Variants in ARHGAP44 observed in about 807,000 individuals in gnomAD.
ARHGAP44 encodes the protein rho GTPase-activating protein 44.
ARHGAP44 carries 43 observed loss-of-function variants against 106.8 expected under a neutral mutation model. The observed-to-expected ratio is 0.40, with a 90% CI of 0.32 to 0.52. The LOEUF (loss-of-function observed/expected upper bound fraction) is 0.52, where lower values mean the gene tolerates loss of function less well. ARHGAP44 is among the 20% of genes least tolerant of loss of function. ARHGAP44 has a pLI of 0.48. For synonymous variants in ARHGAP44, 439 were observed against 410.3 expected, an observed-to-expected ratio of 1.07 and a Z score of -0.85; for missense variants, 866 against 1,050.5, an observed-to-expected ratio of 0.82 and a Z score of 2.43.
chr17:12,839,395 G>A (rs2035330613), intron 1 of ARHGAP44, among the ~76,000 whole-genome samples: 1 of 152,132 alleles, frequency 6.6e-6, no homozygotes, highest in Non-Finnish European at 1.5e-5. Flanking sequence ...TATCCTGTGA[G>A]CTTTATTAGT....
At chr17:12,922,517 C>T (rs1447518305) in intron 6 of ARHGAP44, among the ~76,000 whole-genome samples, 1 of 152,192 alleles carries the variant, frequency 6.6e-6, no homozygotes, top group Non-Finnish European at 1.5e-5. Context: ...GAGTGACATC[C>T]TTCTCTGAAA....
At chr17:12,856,616 A>G (rs1459145542) in intron 1 of ARHGAP44, among the ~76,000 whole-genome samples, 1 of 152,166 alleles carries the variant, frequency 6.6e-6, no homozygotes, top group Non-Finnish European at 1.5e-5. Flanking sequence ...AAAGGCTGTT[A>G]TAACATACGG....
chr17:12,910,446 C>CTTTTTT lies in ARHGAP44; in HGVS notation c.275+1488_275+1493dup, dbSNP rs3076662. ...AGGATAGAACATGGGCTTATGTAGC[C>CTTTTTT]TTTTTTTTTTTTTTTTTTTTGAGAT... On this transcript the variant is annotated intron_variant, in intron 4 of 20. Coordinates refer to ENST00000379672, the MANE Select transcript of ARHGAP44 (RefSeq NM_014859.6). Among the ~76,000 whole-genome samples the CTTTTTT allele has an allele frequency of 3.7e-4, 35 of 93,498 alleles. 1 individual carries two copies. Among genetic ancestry groups the CTTTTTT allele is most frequent in the South Asian group, 1.6e-3 (4 of 2,528 alleles). 61.3% of individuals were successfully genotyped at this position (93,498 alleles called of 152,430 possible).
chr17:12,911,586 G>C (rs1469941569), intron 4 of ARHGAP44, among the ~76,000 whole-genome samples: 1 of 152,150 alleles, frequency 6.6e-6, no homozygotes, highest in Non-Finnish European at 1.5e-5. Flanking sequence ...TTAAACTCAC[G>C]AATGTGGTTG....
At chr17:12,792,662 TC>T (rs1453892724) in intron 1 of ARHGAP44, among the ~76,000 whole-genome samples, 1 of 152,204 alleles carries the variant, frequency 6.6e-6, no homozygotes, top group African/African-American at 2.4e-5. Context: ...CTTATATTTT[TC>T]TAAAGTTTTC....
At chr17:12,881,447 A>G (rs994724633) in intron 1 of ARHGAP44, among the ~76,000 whole-genome samples, 1 of 151,976 alleles carries the variant, frequency 6.6e-6, no homozygotes, top group African/African-American at 2.4e-5. Context: ...CCTCTCCCCC[A>G]ATCTTAGATA....
rs1028440701 is a variant in ARHGAP44 at position 12,893,680 on chromosome 17, C to G, written c.54-1260C>G. Among the ~76,000 whole-genome samples the G allele has an allele frequency of 3.3e-5, 5 of 152,184 alleles. No homozygotes were observed. The East Asian group carries it at 9.6e-4, about 29-fold the overall frequency. ...GTCAGGGCTCCCTACTCAGCTTTTG[C>G]TGGCTTGGGTGGAGTAGGACACAGT... On this transcript the variant is annotated intron_variant, in intron 1 of 20. Coordinates refer to ENST00000379672, the MANE Select transcript of ARHGAP44 (RefSeq NM_014859.6).
intron 1 of ARHGAP44, among the ~76,000 whole-genome samples, chr17:12,892,795 T>A (rs1293195490): frequency 1.1e-5 from 1 of 87,126 alleles, no homozygotes; most frequent in East Asian, 2.5e-4. Context: ...TCAACTGAGT[T>A]TTTTTTTTTT....
intron 1 of ARHGAP44, among the ~76,000 whole-genome samples, chr17:12,890,721 G>A (rs1033153869): frequency 4.6e-5 from 7 of 152,142 alleles, no homozygotes; most frequent in African/African-American, 7.2e-5. Flanking sequence ...TGTGTTTTAC[G>A]TGGCCAGGCT....
At chr17:12,793,255 A>T (rs934210363) in intron 1 of ARHGAP44, among the ~76,000 whole-genome samples, 1 of 152,256 alleles carries the variant, frequency 6.6e-6, no homozygotes, top group Non-Finnish European at 1.5e-5. Context: ...TGCTTAATAA[A>T]TGGTAGCTAC....
intron 1 of ARHGAP44, among the ~76,000 whole-genome samples, chr17:12,801,686 C>A (rs1438370884): frequency 6.6e-6 from 1 of 151,974 alleles, no homozygotes; most frequent in Non-Finnish European, 1.5e-5. Context: ...TGATAGGGAA[C>A]AGGATATATG....
At chr17:12,917,433 A>G (rs971329330) in intron 5 of ARHGAP44, 5 of 152,566 alleles carry the variant, frequency 3.3e-5, no homozygotes, top group African/African-American at 4.8e-5. Context: ...TTAAATGTCA[A>G]AGAACCTGGA....
intron 6 of ARHGAP44, among the ~76,000 whole-genome samples, chr17:12,923,942 C>G (rs941113860): frequency 9.8e-5 from 15 of 152,324 alleles, no homozygotes; most frequent in Non-Finnish European, 1.6e-4. Context: ...AATGCTCCCC[C>G]CCTACCCCCT....
chr17:12,868,742 C>A (rs968732775), intron 1 of ARHGAP44, among the ~76,000 whole-genome samples: 1 of 150,710 alleles, frequency 6.6e-6, no homozygotes, highest in Non-Finnish European at 1.5e-5. Context: ...ACTGCAACCT[C>A]CACCTCCCGG....
intron 3 of ARHGAP44, among the ~76,000 whole-genome samples, chr17:12,900,940 TGAGA>T: frequency 8.0e-6 from 1 of 124,936 alleles, no homozygotes; most frequent in African/African-American, 3.3e-5. Context: ...TTTTTTTAAT[TGAGA>T]TGGAGTTTCG....
chr17:12,908,884 G>C lies in ARHGAP44; in HGVS notation c.199-13G>C, dbSNP rs769081672. On this transcript the variant is annotated splice_polypyrimidine_tract_variant and intron_variant, in intron 3 of 20. Coordinates refer to ENST00000379672, the MANE Select transcript of ARHGAP44 (RefSeq NM_014859.6). ...GAAAGTAGCTTTCATTACAGCATTTGCTTTCTTTTCAGAAAAAGTTGCCTT... is the reference window on the plus strand; with the variant it reads ...GAAAGTAGCTTTCATTACAGCATTTCCTTTCTTTTCAGAAAAAGTTGCCTT... 1.3e-6 allele frequency: 2 copies of C among 1,599,022 alleles called. No individual in the cohort carries two copies. Among genetic ancestry groups the C allele is most frequent in the Non-Finnish European group, 1.7e-6 (2 of 1,174,642 alleles).
intron 17 of ARHGAP44, chr17:12,973,829 G>T: frequency 1.8e-6 from 1 of 570,078 alleles, no homozygotes; most frequent in Admixed American, 3.3e-5. Context: ...GGCCGCCAGC[G>T]CTGCCGACTG....
chr17:12,965,458 C>G (rs1050453637), intron 16 of ARHGAP44, among the ~76,000 whole-genome samples: 1 of 152,162 alleles, frequency 6.6e-6, no homozygotes, highest in African/African-American at 2.4e-5. Flanking sequence ...CTTGTCCCAC[C>G]CCTGTGGACT....
In ARHGAP44 at chr17:12,973,308, G is replaced by C; in HGVS notation, c.1530G>C (p.Arg510Ser). The C allele has an allele frequency of 2.5e-6, 4 of 1,608,774 alleles. No homozygotes were observed. Among genetic ancestry groups the C allele is most frequent in the Non-Finnish European group, 3.4e-6 (4 of 1,177,448 alleles). ...MLEFYKKDGL[R>S]KIQSMGVRVM... ...TATGTTTCTGTCCCTGCAGCCTTAG[G>C]AAAATCCAAAGGTATGGTATCCTCT... The change falls in exon 17 of 21, where the codon AGG becomes AGC. Residue 510 changes from arginine (R) to serine (S), a missense_variant. Physicochemically the swap from Arg to Ser is moderately radical, Grantham distance 110. Transcript: ENST00000379672.
Sources: allele counts gnomAD v4.1 joint callset (sites outside exome capture counted in the v4.1 genomes callset), GRCh38; gene constraint gnomAD v4.1.1; transcripts MANE v1.5; gene names NCBI Gene and HGNC (gene_info 2026-07-23, HGNC 2026-07-21).